OR2B11: variants seen among roughly 807,000 people sequenced by gnomAD.
The protein encoded by OR2B11 is olfactory receptor family 2 subfamily B member 11, also known as olfactory receptor 2B11.
For missense variants in OR2B11, 422 were observed against 400.0 expected (o/e 1.05, Z -0.47); for synonymous variants, 198 against 174.5 (o/e 1.13, Z -1.06).
Position 247,451,576 on chromosome 1 carries a change from T to G in OR2B11, c.407A>C (p.Tyr136Ser). Residue 136 changes from tyrosine (Y) to serine (S), a missense_variant, in exon 2 of 2, where the codon TAT becomes TCT. Physicochemically the swap from Tyr to Ser is moderately radical, Grantham distance 144. Coordinates refer to ENST00000641149, the MANE Select transcript of OR2B11 (RefSeq NM_001004492.2). ...GAGAGCACGGTGCATGAGAACGGCATAGTGCAGGGGCTTGCAGATGGCCAC... is the reference window on the plus strand; with the variant it reads ...GAGAGCACGGTGCATGAGAACGGCAGAGTGCAGGGGCTTGCAGATGGCCAC... ...RYVAICKPLH[Y>S]AVLMHRALCQ... 6.2e-7 allele frequency: 1 copy of G among 1,613,870 alleles called. No individual in the cohort carries two copies.
chr1:247,455,797 T>A (rs1162755901), intron 1 of OR2B11, among the ~76,000 whole-genome samples: 1 of 152,184 alleles, frequency 6.6e-6, no homozygotes, highest in African/African-American at 2.4e-5. Context: ...CTTGGGAATC[T>A]TACGTTCTTC....
intron 1 of OR2B11, among the ~76,000 whole-genome samples, chr1:247,456,279 T>C (rs1458671155): frequency 6.6e-6 from 1 of 152,202 alleles, no homozygotes; most frequent in Non-Finnish European, 1.5e-5. Context: ...CTCTCAAAAG[T>C]AACAAACAGT....
chr1:247,456,208 T>A (rs1664962499), intron 1 of OR2B11, among the ~76,000 whole-genome samples: 1 of 152,196 alleles, frequency 6.6e-6, no homozygotes, highest in African/African-American at 2.4e-5. Context: ...AAAAATCCAA[T>A]GCCGGTTCAC....
At position 247,453,398 on chromosome 1, in the gene OR2B11, G is replaced by A. The variant is rs963624415; in HGVS notation, c.-1416C>T. On this transcript the variant is annotated 5_prime_UTR_variant, in exon 2 of 2. Coordinates refer to ENST00000641149, the MANE Select transcript of OR2B11 (RefSeq NM_001004492.2). ...AAAACCACACACGTTTTGTCAGAAA[G>A]TTGCCAATATTCTTGTGAAACATTC... 1 of 152,178 alleles carries A rather than the reference G, an allele frequency of 6.6e-6. No homozygotes were observed. Among genetic ancestry groups the A allele is most frequent in the African/African-American group, 2.4e-5 (1 of 41,440 alleles). 9.4% of individuals were successfully genotyped at this position (152,178 alleles called of 1,614,324 possible). A position where few individuals can be genotyped will look rare whatever the true frequency, so the allele number is the denominator to read the frequency against.
rs773631659 is a variant in OR2B11, at chr1:247,451,744, G to T, written c.239C>A (p.Thr80Lys). Reference sequence around the variant, plus strand: ...GTTGACCAGCATCTGAGGGACTGTCGTGGTGGTGTAGCAGAGGTCCAGGAA... The same window carrying T: ...GTTGACCAGCATCTGAGGGACTGTCTTGGTGGTGTAGCAGAGGTCCAGGAA... ...LSFLDLCYTT[T>K]TVPQMLVNMG... is the part of the protein sequence containing the mutation. The change falls in exon 2 of 2, where the codon ACG becomes AAG. Residue 80 changes from threonine (T) to lysine (K), a missense_variant. By Grantham distance (78) the Thr-to-Lys change is moderately conservative (BLOSUM62 -1). Coordinates refer to ENST00000641149, the MANE Select transcript of OR2B11 (RefSeq NM_001004492.2). 1 of 1,614,214 alleles carries T rather than the reference G, an allele frequency of 6.2e-7. No individual in the cohort carries two copies. Among genetic ancestry groups the T allele is most frequent in the Admixed American group, 1.7e-5 (1 of 60,034 alleles).
Position 247,453,568 on chromosome 1 carries a change from CTAAT to C in OR2B11, c.-1590_-1587del, listed in dbSNP as rs1261782505. On this transcript the variant is annotated 5_prime_UTR_variant, in exon 2 of 2. Transcript: ENST00000641149. ...AAGTCAAGCTAGCACATTTTTAAGT[CTAAT>C]TATTAAGAAGTAAAGGAATTATGAC... 1 of 152,128 alleles carries C rather than the reference CTAAT, an allele frequency of 6.6e-6. No homozygotes were observed. The highest frequency in any genetic ancestry group is 2.4e-5 in the African/African-American group (1 of 41,408). The allele number at this position is 152,128 out of a possible 1,614,324, so 9.4% of individuals were successfully genotyped here. A position where few individuals can be genotyped will look rare whatever the true frequency, so the allele number is the denominator to read the frequency against.
intron 1 of OR2B11, among the ~76,000 whole-genome samples, chr1:247,455,949 A>G (rs1482580471): frequency 2.6e-5 from 4 of 152,208 alleles, no homozygotes; most frequent in Non-Finnish European, 5.9e-5. Flanking sequence ...GCCTATTGCC[A>G]CAGTGGATCT....
Position 247,450,958 on chromosome 1 carries a change from G to A in OR2B11, c.*71C>T. On this transcript the variant is annotated 3_prime_UTR_variant, in exon 2 of 2. Transcript: ENST00000641149. ...CTGGGTATTAACTCCTTAAGTGAAA[G>A]ATGCTCTGAGTGCACAATAGACTTG... 1.1e-6 allele frequency: 1 copy of A among 906,296 alleles called. No individual in the cohort carries two copies. The highest frequency in any genetic ancestry group is 1.7e-5 in the African/African-American group (1 of 59,248). 56.1% of individuals were successfully genotyped at this position (906,296 alleles called of 1,614,324 possible). A position where few individuals can be genotyped will look rare whatever the true frequency, so the allele number is the denominator to read the frequency against.
rs1195681030 is a variant in OR2B11, at chr1:247,451,998, G to A, written c.-16C>T. ...CACTTTTCATGTTGCGGCATTTTCT[G>A]GCACTTGTGGCAAATTGAGAAAATT... On this transcript the variant is annotated 5_prime_UTR_variant, in exon 2 of 2. Transcript: ENST00000641149. The A allele has an allele frequency of 5.3e-6, 8 of 1,514,164 alleles. No homozygotes were observed. The highest frequency in any genetic ancestry group is 7.3e-6 in the Non-Finnish European group (8 of 1,092,134). 93.8% of individuals were successfully genotyped at this position (1,514,164 alleles called of 1,614,324 possible).
chr1:247,452,854 A>T lies in OR2B11; in HGVS notation c.-872T>A, dbSNP rs1372152749. On this transcript the variant is annotated 5_prime_UTR_variant, in exon 2 of 2. Transcript: ENST00000641149. ...AGACTGCCCTCTAGGGCTAGGTTTT[A>T]TCTGATGGCTTGAGTGACATTCCAA... 6.6e-6 allele frequency: 1 copy of T among 152,192 alleles called. No individual in the cohort carries two copies. The highest frequency in any genetic ancestry group is 1.9e-4 in the East Asian group (1 of 5,190). The allele number at this position is 152,192 out of a possible 1,614,324, so 9.4% of individuals were successfully genotyped here.
At position 247,451,762 on chromosome 1, in the gene OR2B11, T is replaced by C. The variant is rs942976466; in HGVS notation, c.221A>G (p.Asp74Gly). ...GACTGTCGTGGTGGTGTAGCAGAGG[T>C]CCAGGAAGGACAGGTGACTGAGGAA... is the stretch of plus-strand genomic sequence containing the variant. ...YIFLSHLSFL[D>G]LCYTTTTVPQ... The change falls in exon 2 of 2, where the codon GAC (aspartate) becomes GGC (glycine). Residue 74 changes from aspartate to glycine, a missense_variant. Coordinates refer to ENST00000641149, the MANE Select transcript of OR2B11 (RefSeq NM_001004492.2). 3.7e-6 allele frequency: 6 copies of C among 1,613,710 alleles called. No individual in the cohort carries two copies. In the African/African-American group the frequency reaches 6.7e-5, roughly 18 times the overall value.
chr1:247,450,950 A>G lies in OR2B11; in HGVS notation c.*79T>C. On this transcript the variant is annotated 3_prime_UTR_variant, in exon 2 of 2. Coordinates refer to ENST00000641149, the MANE Select transcript of OR2B11 (RefSeq NM_001004492.2). ...TGAGCTCTCTGGGTATTAACTCCTT[A>G]AGTGAAAGATGCTCTGAGTGCACAA... The G allele has an allele frequency of 1.2e-6, 1 of 834,350 alleles. No homozygotes were observed. Among genetic ancestry groups the G allele is most frequent in the Non-Finnish European group, 1.8e-6 (1 of 568,474 alleles). The allele number at this position is 834,350 out of a possible 1,614,324, so 51.7% of individuals were successfully genotyped here. A position where few individuals can be genotyped will look rare whatever the true frequency, so the allele number is the denominator to read the frequency against.
In OR2B11 at chr1:247,452,541, A is replaced by AC. The variant is rs1664872481; in HGVS notation, c.-560dup. ...AGCTGGGGGCTGTATTGATAGGACC[A>AC]CCCCCCGTCACTGGCTCACGCTTGC... On this transcript the variant is annotated 5_prime_UTR_variant, in exon 2 of 2. The change creates a premature stop within an existing upstream ORF in the 5' untranslated region. Transcript: ENST00000641149. 1.3e-5 allele frequency: 2 copies of AC among 154,426 alleles called. No individual in the cohort carries two copies. The allele number at this position is 154,426 out of a possible 1,614,324, so 9.6% of individuals were successfully genotyped here. A position where few individuals can be genotyped will look rare whatever the true frequency, so the allele number is the denominator to read the frequency against.
chr1:247,451,296 C>A lies in OR2B11; in HGVS notation c.687G>T (p.Val229=). ...GTCCCTTGGAGGACTGGATCCTGAG[C>A]ACTGCCCGGGCAATAAAGCCATAGG... ...LLSYGFIARA[V]LRIQSSKGRH... The change falls in exon 2 of 2, where the codon GTG becomes GTT. Residue 229 remains valine (V), a synonymous_variant. Transcript: ENST00000641149. 6.2e-7 allele frequency: 1 copy of A among 1,614,110 alleles called. No individual in the cohort carries two copies. The highest frequency in any genetic ancestry group is 8.5e-7 in the Non-Finnish European group (1 of 1,180,016).
rs536074595 is a variant in OR2B11 at position 247,450,894 on chromosome 1, C to T, written c.*135G>A. ...CGCTATGGGATTTGGGGCATTATAACAGGAAGTGAGATGTTTGAAGACAGG... is the reference window on the plus strand; with the variant it reads ...CGCTATGGGATTTGGGGCATTATAATAGGAAGTGAGATGTTTGAAGACAGG... On this transcript the variant is annotated 3_prime_UTR_variant, in exon 2 of 2. Coordinates refer to ENST00000641149, the MANE Select transcript of OR2B11 (RefSeq NM_001004492.2). 2.2e-4 allele frequency: 107 copies of T among 497,286 alleles called. No individual in the cohort carries two copies. Among genetic ancestry groups the T allele is most frequent in the African/African-American group, 1.9e-3 (99 of 51,160 alleles). The allele number at this position is 497,286 out of a possible 1,614,324, so 30.8% of individuals were successfully genotyped here.
rs1218251902 is a variant in OR2B11 at position 247,453,768 on chromosome 1, C to G, written c.-1786G>C. On this transcript the variant is annotated 5_prime_UTR_variant, in exon 2 of 2. Transcript: ENST00000641149. ...TATAATAAAGACAAGTTATTTACCA[C>G]TCACTGTGAGCCAGGTACTGTAATA... 5 of 152,188 alleles carry G rather than the reference C, an allele frequency of 3.3e-5. No homozygotes were observed. The East Asian group carries it at 9.6e-4, about 29-fold the overall frequency. 9.4% of individuals were successfully genotyped at this position (152,188 alleles called of 1,614,324 possible).
rs1664878947 is a variant in OR2B11 at position 247,452,779 on chromosome 1, T to C, written c.-797A>G. ...GGAATTTTGAGCACAGGGAGAAAGC[T>C]CTTGATTGGCGTGAGAAAGGTAGCC... On this transcript the variant is annotated 5_prime_UTR_variant, in exon 2 of 2. Transcript: ENST00000641149. 6.6e-6 allele frequency: 1 copy of C among 152,314 alleles called. No individual in the cohort carries two copies. Among genetic ancestry groups the C allele is most frequent in the African/African-American group, 2.4e-5 (1 of 41,454 alleles). 9.4% of individuals were successfully genotyped at this position (152,314 alleles called of 1,614,324 possible). A position where few individuals can be genotyped will look rare whatever the true frequency, so the allele number is the denominator to read the frequency against.
At chr1:247,456,994 T>G (rs1427592596) in intron 1 of OR2B11, among the ~76,000 whole-genome samples, 1 of 152,008 alleles carries the variant, frequency 6.6e-6, no homozygotes, top group Non-Finnish European at 1.5e-5. Flanking sequence ...CTCAGCCTCG[T>G]CAGTTATTCC....
chr1:247,457,429 TTCTGCTCCCGGC>T (rs1363275722), intron 1 of OR2B11, among the ~76,000 whole-genome samples, 198 bp downstream of exon 1: 4 of 152,188 alleles, frequency 2.6e-5, no homozygotes, highest in African/African-American at 7.2e-5. Flanking sequence ...GAGCATCCTG[TTCTGCTCCCGGC>T]TCTCTTTTCT....
Sources: allele counts gnomAD v4.1 joint callset (sites outside exome capture counted in the v4.1 genomes callset), GRCh38; gene constraint gnomAD v4.1.1; transcripts MANE v1.5; gene names NCBI Gene and HGNC (gene_info 2026-07-23, HGNC 2026-07-21).